KCNU1: variants seen among roughly 807,000 people sequenced by gnomAD.
The protein encoded by KCNU1 is potassium channel subfamily U member 1.
Under a neutral mutation model 126.8 loss-of-function variants are expected in KCNU1, and 93 were observed. The observed-to-expected ratio is 0.73, with a 90% CI of 0.62 to 0.87. KCNU1 has a LOEUF of 0.87. KCNU1 is among the 40% of genes least tolerant of loss of function. The pLI, the probability that KCNU1 is intolerant of heterozygous loss-of-function variation, is 0.00. For synonymous variants in KCNU1, 523 were observed against 494.2 expected (o/e 1.06, Z -0.77); for missense variants, 1,330 against 1,367.1 (o/e 0.97, Z 0.43).
chr8:36,912,682 G>A (rs78783479), intron 22 of KCNU1, among the ~76,000 whole-genome samples: 2,507 of 152,072 alleles, frequency 0.016, 77 homozygotes, highest in African/African-American at 0.057. Flanking sequence ...CATTTTAAAA[G>A]CAGTATAGGC....
intron 19 of KCNU1, among the ~76,000 whole-genome samples, chr8:36,894,535 C>G (rs1417687854): frequency 2.0e-5 from 3 of 152,092 alleles, no homozygotes; most frequent in African/African-American, 7.2e-5. Flanking sequence ...ACATCAGAAG[C>G]AATATCAATA....
chr8:36,800,568 G>A (rs1027931805), intron 2 of KCNU1, among the ~76,000 whole-genome samples: 53 of 152,254 alleles, frequency 3.5e-4, no homozygotes, highest in East Asian at 2.7e-3. Flanking sequence ...GTCTCCTCTC[G>A]GCCACTATTT....
chr8:36,835,238 C>G (rs577222827), intron 12 of KCNU1, among the ~76,000 whole-genome samples: 1 of 152,070 alleles, frequency 6.6e-6, no homozygotes, highest in Non-Finnish European at 1.5e-5. Context: ...TATTAGTGCA[C>G]GTTATTTATT....
At chr8:36,845,701 TA>T (rs1805118713) in intron 17 of KCNU1, 32 bp downstream of exon 17, 3 of 1,505,794 alleles carry the variant, frequency 2.0e-6, no homozygotes, top group Non-Finnish European at 2.8e-6. Flanking sequence ...GGAAAAGCAC[TA>T]AAGCAACTAC....
At chr8:36,869,034 T>G (rs1407899883) in intron 19 of KCNU1, among the ~76,000 whole-genome samples, 1 of 152,178 alleles carries the variant, frequency 6.6e-6, no homozygotes, top group Non-Finnish European at 1.5e-5. Context: ...TATTCTCTGC[T>G]TCTTCTCTAT....
intron 18 of KCNU1, among the ~76,000 whole-genome samples, chr8:36,847,289 T>A (rs1472079516): frequency 6.6e-6 from 1 of 152,236 alleles, no homozygotes; most frequent in African/African-American, 2.4e-5. Flanking sequence ...GATATAGATA[T>A]ACAATGTATA....
chr8:36,805,364 C>A, intron 4 of KCNU1, 79 bp downstream of exon 4: 1 of 851,440 alleles, frequency 1.2e-6, no homozygotes. Context: ...TGTCTCAGTC[C>A]TACAATCTGC....
rs538866823 is a variant in KCNU1 at position 36,873,383 on chromosome 8, C to A, written c.2009+8862C>A. Among the ~76,000 whole-genome samples the A allele has an allele frequency of 3.9e-5, 6 of 152,262 alleles. No individual in the cohort carries two copies. In the South Asian group the frequency reaches 1.2e-3, roughly 32 times the overall value. The stretch of plus-strand genomic sequence containing the variant: ...TGATAGTGAAAGTCAAAGACACAAC[C>A]ATAATTGTCCTCCTCAACTTAGCAT... On this transcript the variant is annotated intron_variant, in intron 19 of 26. Transcript: ENST00000399881.
At chr8:36,932,408 G>C (rs916324090) in intron 25 of KCNU1, among the ~76,000 whole-genome samples, 2 of 151,988 alleles carry the variant, frequency 1.3e-5, no homozygotes, top group Admixed American at 1.3e-4. Context: ...GATCCCTTTT[G>C]ATCTTGCTGA....
Position 36,787,505 on chromosome 8 carries a change from C to G in KCNU1, c.315+80C>G, listed in dbSNP as rs557977937. 147 of 1,385,958 alleles carry G rather than the reference C, an allele frequency of 1.1e-4. 1 individual carries two copies. The South Asian group carries it at 2.1e-3, about 19-fold the overall frequency. 85.9% of individuals were successfully genotyped at this position (1,385,958 alleles called of 1,614,324 possible). On this transcript the variant is annotated intron_variant, in intron 2 of 26. Transcript: ENST00000399881. ...ATAGTCAGCACAAATCAATTGATTC[C>G]CTAGGTAAACAACTGACGTTCCTTT...
chr8:36,863,181 A>G (rs564360886), intron 18 of KCNU1, among the ~76,000 whole-genome samples: 1 of 152,274 alleles, frequency 6.6e-6, no homozygotes, highest in South Asian at 2.1e-4. Context: ...ATGGATTAGA[A>G]TGGTTCAGAA....
chr8:36,814,707 T>C (rs1405291736), intron 8 of KCNU1, among the ~76,000 whole-genome samples: 2 of 152,210 alleles, frequency 1.3e-5, no homozygotes, highest in African/African-American at 2.4e-5. Context: ...AGGAAGGATA[T>C]TTGAGATTTG....
intron 19 of KCNU1, among the ~76,000 whole-genome samples, chr8:36,864,729 AC>A (rs986002425): frequency 1.1e-4 from 17 of 152,130 alleles, no homozygotes; most frequent in Non-Finnish European, 2.9e-5. Context: ...AATCATCTGT[AC>A]CCATAATAAC....
chr8:36,843,096 G>T (rs1805016404), intron 16 of KCNU1, among the ~76,000 whole-genome samples: 1 of 152,140 alleles, frequency 6.6e-6, no homozygotes, highest in South Asian at 2.1e-4. Context: ...CTGGAATCTG[G>T]AAACTACAAC....
chr8:36,860,285 G>T (rs2117323106), intron 18 of KCNU1, among the ~76,000 whole-genome samples: 1 of 152,160 alleles, frequency 6.6e-6, no homozygotes, highest in African/African-American at 2.4e-5. Context: ...CACCATGTTA[G>T]CCAGGATGGT....
At chr8:36,909,591 C>A in intron 21 of KCNU1, 56 bp downstream of exon 21, 1 of 986,728 alleles carries the variant, frequency 1.0e-6, no homozygotes, top group Non-Finnish European at 1.6e-6. Flanking sequence ...ATTAATAGGA[C>A]TAGAATTAAT....
At chr8:36,874,651 C>T (rs996659075) in intron 19 of KCNU1, among the ~76,000 whole-genome samples, 2 of 152,072 alleles carry the variant, frequency 1.3e-5, no homozygotes, top group Non-Finnish European at 2.9e-5. Flanking sequence ...TTGTCCTCCT[C>T]AATTTAGCAT....
intron 19 of KCNU1, among the ~76,000 whole-genome samples, chr8:36,868,635 A>G (rs149651282): frequency 1.1e-3 from 171 of 152,252 alleles, no homozygotes; most frequent in African/African-American, 3.8e-3. Context: ...CCAATATTTT[A>G]TGGTATCCCT....
chr8:36,915,258 C>A (rs994150533), intron 22 of KCNU1, among the ~76,000 whole-genome samples: 2 of 152,188 alleles, frequency 1.3e-5, no homozygotes, highest in African/African-American at 4.8e-5. Context: ...TCCAGTCAAA[C>A]CTTGTATATT....
Sources: gnomAD v4.1 joint callset for allele counts (sites outside exome capture counted in the v4.1 genomes callset) on GRCh38, gnomAD v4.1.1 for gene constraint, MANE v1.5 for transcripts, NCBI Gene and HGNC (gene_info 2026-07-23, HGNC 2026-07-21) for gene names.